The following CPNE1 variants were observed in gnomAD, a reference collection of about 807,000 sequenced individuals.
CPNE1 encodes copine-1.
In CPNE1, 58 loss-of-function variants were observed where a neutral mutation model predicts 63.2. The ratio of observed to expected loss-of-function variants is 0.92; its 90% CI spans 0.74 to 1.14. The LOEUF (loss-of-function observed/expected upper bound fraction) is 1.14. CPNE1 is among the 50% of genes most tolerant of loss of function. CPNE1 has a pLI of 0.00. For missense variants in CPNE1, 672 were observed against 661.7 expected (o/e 1.02, Z -0.17); for synonymous variants, 237 against 249.0 (o/e 0.95, Z 0.45).
chr20:35,644,121 A>G (rs2032979416), intron 1 of CPNE1, among the ~76,000 whole-genome samples: 1 of 152,228 alleles, frequency 6.6e-6, no homozygotes, highest in Non-Finnish European at 1.5e-5. Context: ...GAGGACAGTC[A>G]TAGAAAGTAT....
rs2032365666 is a variant in CPNE1 at position 35,634,423 on chromosome 20, G to A, written c.1-1500C>T. On this transcript the variant is annotated intron_variant, in intron 1 of 15. Transcript: ENST00000397443. ...AGCCTGACCAACATGGTGAAACCCT[G>A]TCTCTACTAAAAATAAAAAAAATTA... is the stretch of plus-strand genomic sequence containing the variant. Among the ~76,000 whole-genome samples, 4 of 151,246 alleles carry A rather than the reference G, an allele frequency of 2.6e-5. No homozygotes were observed. The South Asian group carries it at 8.3e-4, about 32-fold the overall frequency.
Position 35,653,436 on chromosome 20 carries a change from T to C in CPNE1, c.-1+11324A>G, listed in dbSNP as rs138136140. ...CCTTTTTTCCTTGGGCAGGGGGATT[T>C]TTCTCAATCTCTCTCATATCTTCTA... On this transcript the variant is annotated intron_variant, in intron 1 of 15. Coordinates refer to ENST00000397443, the MANE Select transcript of CPNE1 (RefSeq NM_152925.3). 2.5e-6 allele frequency: 4 copies of C among 1,613,972 alleles called. No homozygotes were observed. The African/African-American group carries it at 5.3e-5, about 22-fold the overall frequency.
chr20:35,646,363 A>G (rs2146321500), intron 1 of CPNE1, among the ~76,000 whole-genome samples: 1 of 148,270 alleles, frequency 6.7e-6, no homozygotes, highest in East Asian at 2.0e-4. Flanking sequence ...ATCATTTGAT[A>G]TGAAGCACAA....
At position 35,630,755 on chromosome 20, in the gene CPNE1, G is replaced by C; in HGVS notation, c.1036C>G (p.Pro346Ala). The change falls in exon 12 of 16, where the codon CCC becomes GCC. Residue 346 changes from proline (P) to alanine (A), a missense_variant. Physicochemically the swap from Pro to Ala is conservative, Grantham distance 27. Transcript: ENST00000397443. ...FPAFGFGAQVPPDWQVSHEFA... is the reference protein window; with the variant it reads ...FPAFGFGAQVAPDWQVSHEFA... ...AGGGAGCTCACCTGCCAGTCAGGGG[G>C]AACCTGGGCCCCAAATCCAAATGCA... 3.1e-6 allele frequency: 5 copies of C among 1,613,980 alleles called. No individual in the cohort carries two copies. Among genetic ancestry groups the C allele is most frequent in the Non-Finnish European group, 4.2e-6 (5 of 1,179,930 alleles).
intron 1 of CPNE1, chr20:35,650,984 T>C (rs1278911182): frequency 6.6e-6 from 1 of 152,608 alleles, no homozygotes; most frequent in Non-Finnish European, 1.5e-5. Flanking sequence ...CTCTCATCTA[T>C]CTCTCCTTCT....
intron 1 of CPNE1, among the ~76,000 whole-genome samples, chr20:35,659,570 A>T (rs1601492993): frequency 6.6e-6 from 1 of 152,366 alleles, no homozygotes; most frequent in East Asian, 1.9e-4. Flanking sequence ...ATAAGGACTA[A>T]TTCCACTGGA....
At chr20:35,658,333 T>C (rs1339175466) in intron 1 of CPNE1, among the ~76,000 whole-genome samples, 1 of 152,210 alleles carries the variant, frequency 6.6e-6, no homozygotes, top group Non-Finnish European at 1.5e-5. Context: ...TCTAAAATGC[T>C]ACTAAGGAAT....
At chr20:35,642,177 G>T (rs1358100959) in intron 1 of CPNE1, among the ~76,000 whole-genome samples, 2 of 152,084 alleles carry the variant, frequency 1.3e-5, no homozygotes, top group Non-Finnish European at 2.9e-5. Flanking sequence ...ATTTCTCCTG[G>T]GTCCAGTGGG....
At chr20:35,636,105 TG>T (rs1361027021) in intron 1 of CPNE1, among the ~76,000 whole-genome samples, 3 of 152,304 alleles carry the variant, frequency 2.0e-5, no homozygotes, top group Non-Finnish European at 4.4e-5. Flanking sequence ...CTGGAAGCTG[TG>T]AACAGTCCCA....
chr20:35,631,813 G>A (rs1261341753), intron 6 of CPNE1, 36 bp from the exon 7 acceptor site: 1 of 1,583,976 alleles, frequency 6.3e-7, no homozygotes, highest in Non-Finnish European at 8.7e-7. Flanking sequence ...GTGAGCTCTG[G>A]CATGGCCCCC....
intron 1 of CPNE1, among the ~76,000 whole-genome samples, chr20:35,637,320 A>G (rs1253648351): frequency 1.3e-5 from 2 of 152,116 alleles, no homozygotes; most frequent in Non-Finnish European, 2.9e-5. Context: ...TCCCTAGCAA[A>G]GCTACCTTGC....
Position 35,630,420 on chromosome 20 carries a change from G to T in CPNE1, c.1102+19C>A. On this transcript the variant is annotated intron_variant, in intron 13 of 15. Transcript: ENST00000397443. ...CTTTGTGTGGACAGACCTGCCTCAG[G>T]GTGGATGGGGAAACTTACCTGCACA... The T allele has an allele frequency of 6.2e-7, 1 of 1,612,234 alleles. No homozygotes were observed. Among genetic ancestry groups the T allele is most frequent in the Non-Finnish European group, 8.5e-7 (1 of 1,178,272 alleles).
intron 1 of CPNE1, among the ~76,000 whole-genome samples, chr20:35,639,694 T>A (rs528869784): frequency 6.6e-6 from 1 of 152,218 alleles, no homozygotes; most frequent in Non-Finnish European, 1.5e-5. Flanking sequence ...TTGTTGTGAA[T>A]GACAAAAGCA....
Position 35,626,548 on chromosome 20 carries a change from C to A in CPNE1, c.1473+19G>T. The A allele has an allele frequency of 1.2e-6, 2 of 1,610,986 alleles. No homozygotes were observed. The highest frequency in any genetic ancestry group is 1.7e-6 in the Non-Finnish European group (2 of 1,177,140). ...AAGGTGAAAGGGTAAACTCCCAGAT[C>A]AAATTTGCACCTACTCACATTCTGG... On this transcript the variant is annotated intron_variant, in intron 15 of 15. Coordinates refer to ENST00000397443, the MANE Select transcript of CPNE1 (RefSeq NM_152925.3).
At chr20:35,659,423 A>G (rs1179879749) in intron 1 of CPNE1, among the ~76,000 whole-genome samples, 1 of 152,206 alleles carries the variant, frequency 6.6e-6, no homozygotes, top group African/African-American at 2.4e-5. Context: ...AAGTTCGCAC[A>G]ATAACAATTC....
intron 1 of CPNE1, among the ~76,000 whole-genome samples, chr20:35,661,417 T>C (rs996395654): frequency 2.6e-5 from 4 of 152,122 alleles, no homozygotes; most frequent in Non-Finnish European, 5.9e-5. Context: ...AAATAATAAC[T>C]AAACAATAAA....
chr20:35,658,718 C>A (rs930206488), intron 1 of CPNE1, among the ~76,000 whole-genome samples: 3 of 151,928 alleles, frequency 2.0e-5, no homozygotes, highest in African/African-American at 7.3e-5. Context: ...CGAGATGGCA[C>A]CACTGCACTC....
At position 35,631,876 on chromosome 20, in the gene CPNE1, A is replaced by T. The variant is rs1167154529; in HGVS notation, c.537+69T>A. On this transcript the variant is annotated intron_variant, in intron 6 of 15. Coordinates refer to ENST00000397443, the MANE Select transcript of CPNE1 (RefSeq NM_152925.3). The stretch of plus-strand genomic sequence containing the variant: ...CCTGCAGTCTCTTTCTGAGTTCCAA[A>T]CCTTGCTAGTCACAGGCCCCAGGAG... 14 of 1,561,378 alleles carry T rather than the reference A, an allele frequency of 9.0e-6. No individual in the cohort carries two copies. The Admixed American group carries it at 1.5e-4, about 17-fold the overall frequency.
At chr20:35,636,513 A>G (rs1485833017) in intron 1 of CPNE1, among the ~76,000 whole-genome samples, 2 of 152,192 alleles carry the variant, frequency 1.3e-5, no homozygotes. Context: ...AAAAAATCAA[A>G]AATAGGCCGG....
Sources: allele counts gnomAD v4.1 joint callset (sites outside exome capture counted in the v4.1 genomes callset), GRCh38; gene constraint gnomAD v4.1.1; transcripts MANE v1.5; gene names NCBI Gene and HGNC (gene_info 2026-07-23, HGNC 2026-07-21).